The following AQR variants were observed in gnomAD, a reference collection of about 807,000 sequenced individuals.
AQR encodes RNA helicase aquarius.
In AQR, 61 loss-of-function variants were observed where a neutral mutation model predicts 180.5. That is an observed-to-expected ratio of 0.34 (90% CI 0.28 to 0.42). AQR has a LOEUF of 0.42. AQR is among the 10% of genes least tolerant of loss of function. The pLI is 1.00. For synonymous variants in AQR, 551 were observed against 588.8 expected, an observed-to-expected ratio of 0.94 and a Z score of 0.93; for missense variants, 1,281 against 1,798.3, an observed-to-expected ratio of 0.71 and a Z score of 5.20.
At chr15:34,888,500 G>A (rs941093413) in intron 24 of AQR, among the ~76,000 whole-genome samples, 1 of 151,850 alleles carries the variant, frequency 6.6e-6, no homozygotes, top group Non-Finnish European at 1.5e-5. Flanking sequence ...TTCAAGACCA[G>A]CCTGGGCAAC....
At chr15:34,958,970 T>C (rs1278097652) in intron 3 of AQR, among the ~76,000 whole-genome samples, 1 of 138,740 alleles carries the variant, frequency 7.2e-6, no homozygotes, top group African/African-American at 2.6e-5. Flanking sequence ...ACATTACATA[T>C]AGATATATAG....
Position 34,862,975 on chromosome 15 carries a change from T to C in AQR, c.3921A>G (p.Val1307=). The C allele has an allele frequency of 1.2e-6, 2 of 1,613,852 alleles. No individual in the cohort carries two copies. Among genetic ancestry groups the C allele is most frequent in the South Asian group, 1.1e-5 (1 of 91,072 alleles). ...GTTCAAAACAGTTTTGGAAGAGGGA[T>C]ACTCTGGCGAAGATATAAAGTCCAA... ...ARLGLYIFAR[V]SLFQNCFELT... The change falls in exon 33 of 35, where the codon GTA becomes GTG. Residue 1307 remains valine (V), a synonymous_variant. Coordinates refer to ENST00000156471, the MANE Select transcript of AQR (RefSeq NM_014691.3).
At chr15:34,950,955 A>C (rs1894221921) in intron 4 of AQR, among the ~76,000 whole-genome samples, 1 of 152,214 alleles carries the variant, frequency 6.6e-6, no homozygotes. Context: ...AGCAAATTCC[A>C]AACCTATCTT....
chr15:34,902,943 C>T (rs939907628), intron 19 of AQR, among the ~76,000 whole-genome samples: 1 of 152,056 alleles, frequency 6.6e-6, no homozygotes, highest in Non-Finnish European at 1.5e-5. Context: ...AATTCAGATA[C>T]ATAACAAATG....
At chr15:34,947,031 C>T (rs1483460263) in intron 5 of AQR, among the ~76,000 whole-genome samples, 4 of 152,278 alleles carry the variant, frequency 2.6e-5, no homozygotes, top group East Asian at 1.9e-4. Flanking sequence ...TCATTGAGAA[C>T]GGGCCATGAT....
intron 4 of AQR, among the ~76,000 whole-genome samples, chr15:34,949,206 C>T (rs1265092855): frequency 2.0e-5 from 3 of 151,684 alleles, no homozygotes; most frequent in Non-Finnish European, 4.4e-5. Context: ...GTTGGTCAGG[C>T]TGGTCTTGAA....
At chr15:34,942,313 C>T (rs950952806) in intron 6 of AQR, among the ~76,000 whole-genome samples, 1 of 152,144 alleles carries the variant, frequency 6.6e-6, no homozygotes, top group Non-Finnish European at 1.5e-5. Flanking sequence ...TTTGTAACCC[C>T]AAAATCAACA....
intron 32 of AQR, among the ~76,000 whole-genome samples, chr15:34,865,239 C>A (rs1171821321): frequency 6.6e-6 from 1 of 152,158 alleles, no homozygotes. Flanking sequence ...AAAGCTGCAG[C>A]CTCATTACTT....
At chr15:34,915,233 G>C in intron 15 of AQR, 54 bp from the exon 16 acceptor site, 1 of 1,434,488 alleles carries the variant, frequency 7.0e-7, no homozygotes, top group Non-Finnish European at 9.2e-7. Context: ...TTGAGACGGA[G>C]TCTCACTCTG....
chr15:34,914,485 T>G (rs759113389), intron 16 of AQR, among the ~76,000 whole-genome samples: 4 of 152,144 alleles, frequency 2.6e-5, no homozygotes, highest in Non-Finnish European at 4.4e-5. Context: ...CCTGGTGATT[T>G]ACTTTCTTCC....
Position 34,904,479 on chromosome 15 carries a change from C to T in AQR, c.1858G>A (p.Gly620Arg). Residue 620 changes from glycine (G) to arginine (R), a missense_variant, in exon 19 of 35, where the codon GGA (glycine) becomes AGA (arginine). Physicochemically the swap from Gly to Arg is moderately radical, Grantham distance 125. Around this residue, in one of 9 missense-constraint regions of AQR, gnomAD observed 200 missense variants for 293.4 expected, o/e 0.68. Coordinates refer to ENST00000156471, the MANE Select transcript of AQR (RefSeq NM_014691.3). The part of the protein sequence containing the change: ...DGPEPRPNLR[G>R]ESRTFRVFLD... ...AACACTCTAAATGTCCTTGATTCTC[C>T]TCTAAGATTGGGTCTGGGTTCAGGT... 3.1e-6 allele frequency: 5 copies of T among 1,611,568 alleles called. No homozygotes were observed. The highest frequency in any genetic ancestry group is 4.2e-6 in the Non-Finnish European group (5 of 1,178,882).
chr15:34,887,557 AAC>A (rs1483091069), intron 24 of AQR, among the ~76,000 whole-genome samples: 3 of 152,228 alleles, frequency 2.0e-5, no homozygotes, highest in African/African-American at 2.4e-5. Flanking sequence ...CTTGTCCGAA[AAC>A]ACACAGTTAG....
intron 24 of AQR, among the ~76,000 whole-genome samples, chr15:34,889,396 T>C (rs1893108313): frequency 6.6e-6 from 1 of 152,246 alleles, no homozygotes. Context: ...AATATCATGT[T>C]TAATAGCCAA....
chr15:34,860,210 AC>A, intron 33 of AQR, 55 bp from the exon 34 acceptor site: 1 of 840,284 alleles, frequency 1.2e-6, no homozygotes, highest in Non-Finnish European at 1.8e-6. Flanking sequence ...CTAGAAGGTA[AC>A]ACTTCAACAT....
intron 27 of AQR, among the ~76,000 whole-genome samples, chr15:34,882,022 TCTCAAACTCCTGAC>T (rs1892979398): frequency 6.6e-6 from 1 of 152,088 alleles, no homozygotes; most frequent in African/African-American, 2.4e-5. Flanking sequence ...GCCAGGCTGG[TCTCAAACTCCTGAC>T]CTCAAGTGAT....
chr15:34,864,560 G>GT (rs1382488129), intron 32 of AQR, among the ~76,000 whole-genome samples: 4 of 152,156 alleles, frequency 2.6e-5, no homozygotes, highest in African/African-American at 7.2e-5. Context: ...AATACCTAGC[G>GT]TAAGTCCTCA....
intron 2 of AQR, among the ~76,000 whole-genome samples, chr15:34,962,660 T>C (rs2050286702): frequency 1.3e-5 from 2 of 151,422 alleles, no homozygotes; most frequent in South Asian, 4.2e-4. Flanking sequence ...TCCCAGCTAC[T>C]CAGGAGGCTG....
intron 27 of AQR, among the ~76,000 whole-genome samples, chr15:34,880,626 G>A (rs1892959633): frequency 6.6e-6 from 1 of 152,176 alleles, no homozygotes; most frequent in Non-Finnish European, 1.5e-5. Context: ...GCTTGGATGT[G>A]AAAGTGTTCA....
At chr15:34,957,849 G>A (rs1027670623) in intron 3 of AQR, among the ~76,000 whole-genome samples, 4 of 150,328 alleles carry the variant, frequency 2.7e-5, no homozygotes, top group Admixed American at 2.0e-4. Flanking sequence ...ATAAGAAAAC[G>A]ACTGTTAAAA....
Sources: allele counts gnomAD v4.1 joint callset (sites outside exome capture counted in the v4.1 genomes callset), GRCh38; gene constraint gnomAD v4.1.1; regional missense constraint gnomAD v4.1.1; transcripts MANE v1.5; gene names NCBI Gene and HGNC (gene_info 2026-07-23, HGNC 2026-07-21).